ANKFY1: variants seen among roughly 807,000 people sequenced by gnomAD.
ANKFY1 encodes the protein ankyrin repeat and FYVE domain containing 1.
Under a neutral mutation model 128.3 loss-of-function variants are expected in ANKFY1, and 47 were observed. The observed-to-expected ratio is 0.37, with a 90% CI of 0.29 to 0.47. The LOEUF is 0.47. ANKFY1 is among the 20% of genes least tolerant of loss of function. The probability of loss-of-function intolerance (pLI) is 1.00; values close to 1 mark genes in which losing one functional copy is unlikely to be tolerated. For synonymous variants in ANKFY1, 553 were observed against 601.6 expected (o/e 0.92, Z 1.18); for missense variants, 1,222 against 1,510.6 (o/e 0.81, Z 3.17).
At chr17:4,208,497 A>G (rs1172925521) in intron 5 of ANKFY1, among the ~76,000 whole-genome samples, 2 of 152,182 alleles carry the variant, frequency 1.3e-5, no homozygotes, top group East Asian at 1.9e-4. Flanking sequence ...TGGCAGTTAC[A>G]AAATCAATTC....
Position 4,208,073 on chromosome 17 carries a change from T to A in ANKFY1, c.592A>T (p.Arg198Trp), listed in dbSNP as rs2060058491. ...EIIASHWDDL[R>W]KEDFSSMSAQ... is the part of the protein sequence containing the mutation. ...CTCATGCTGCTGAAATCCTCCTTCCTCAGGTCGTCCTGAGAATTCACAACA... is the reference window on the plus strand; with the variant it reads ...CTCATGCTGCTGAAATCCTCCTTCCACAGGTCGTCCTGAGAATTCACAACA... Residue 198 changes from arginine to tryptophan, a missense_variant, in exon 6 of 25, where the codon AGG becomes TGG. Physicochemically the swap from Arg to Trp is moderately radical, Grantham distance 101. Coordinates refer to ENST00000341657, the MANE Select transcript of ANKFY1 (RefSeq NM_001330063.2). 1 of 1,604,344 alleles carries A rather than the reference T, an allele frequency of 6.2e-7. No individual in the cohort carries two copies. The highest frequency in any genetic ancestry group is 1.3e-5 in the African/African-American group (1 of 74,486).
Position 4,189,413 on chromosome 17 carries a change from T to G in ANKFY1, c.1439A>C (p.Asn480Thr). 1 of 1,591,612 alleles carries G rather than the reference T, an allele frequency of 6.3e-7. No homozygotes were observed. Among genetic ancestry groups the G allele is most frequent in the South Asian group, 1.1e-5 (1 of 88,140 alleles). Residue 480 changes from asparagine (N) to threonine (T), a missense_variant, in exon 11 of 25, where the codon AAC becomes ACC. Physicochemically the swap from Asn to Thr is moderately conservative, Grantham distance 65. Coordinates refer to ENST00000341657, the MANE Select transcript of ANKFY1 (RefSeq NM_001330063.2). The stretch of plus-strand genomic sequence containing the variant: ...GTTTCTGTGGTTGACATGGGCACCG[T>G]TGGTTGCCAGGAAAAGAGCTGCTGC... Reference protein sequence around the residue: ...NEAAALFLATNGAHVNHRNKW... With the variant: ...NEAAALFLATTGAHVNHRNKW...
In ANKFY1 at chr17:4,181,002, G is replaced by C. The variant is rs1423459412; in HGVS notation, c.2240+252C>G. ...GTCTGCCGTGACTACAGGAGCTCAG[G>C]CAGCTCCCAAAGCAGGACGCTGACT... On this transcript the variant is annotated intron_variant, in intron 16 of 24. Transcript: ENST00000341657. The surrounding 1 kb of genome is among the most constrained non-coding windows in gnomAD (Gnocchi z 4.9). 1 of 437,876 alleles carries C rather than the reference G, an allele frequency of 2.3e-6. No individual in the cohort carries two copies. The highest frequency in any genetic ancestry group is 3.8e-5 in the East Asian group (1 of 26,312). The allele number at this position is 437,876 out of a possible 1,614,324, so 27.1% of individuals were successfully genotyped here. A position where few individuals can be genotyped will look rare whatever the true frequency, so the allele number is the denominator to read the frequency against.
intron 3 of ANKFY1, among the ~76,000 whole-genome samples, chr17:4,225,265 G>C (rs568216758): frequency 6.6e-6 from 1 of 152,106 alleles, no homozygotes; most frequent in South Asian, 2.1e-4. Context: ...GCTGAGGTAG[G>C]AGAATCTCTT....
Position 4,169,421 on chromosome 17 carries a change from G to T in ANKFY1, c.3287-133C>A, listed in dbSNP as rs539303344. On this transcript the variant is annotated intron_variant, in intron 23 of 24. Transcript: ENST00000341657. This position sits in a 1 kb window ranked among gnomAD's most constrained non-coding sequence, Gnocchi z 5.0. ...CACATGACATAGGTGACGAAGGAGC[G>T]ATAGGTTCTAAGTGGTTCAGGGCCA... is the stretch of plus-strand genomic sequence containing the variant. 4 of 674,702 alleles carry T rather than the reference G, an allele frequency of 5.9e-6. No homozygotes were observed. Among genetic ancestry groups the T allele is most frequent in the Non-Finnish European group, 1.1e-5 (4 of 379,332 alleles). The allele number at this position is 674,702 out of a possible 1,614,324, so 41.8% of individuals were successfully genotyped here.
In ANKFY1 at chr17:4,181,497, G is replaced by C; in HGVS notation, c.2122-125C>G. On this transcript the variant is annotated intron_variant, in intron 15 of 24. Transcript: ENST00000341657. The surrounding 1 kb of genome is among the most constrained non-coding windows in gnomAD (Gnocchi z 4.9). ...GATAAGATACGGTTGATAATAAATT[G>C]ATAATTACTTTAATCTGTATCACTC... The C allele has an allele frequency of 1.5e-6, 1 of 687,602 alleles. No individual in the cohort carries two copies. The highest frequency in any genetic ancestry group is 2.6e-6 in the Non-Finnish European group (1 of 391,304). The allele number at this position is 687,602 out of a possible 1,614,324, so 42.6% of individuals were successfully genotyped here.
Position 4,195,424 on chromosome 17 carries a change from CTG to C in ANKFY1, c.1149_1150del (p.Phe383LeufsTer34). On this transcript the variant is annotated frameshift_variant, in exon 9 of 25. Coordinates refer to ENST00000341657, the MANE Select transcript of ANKFY1 (RefSeq NM_001330063.2). LOFTEE classifies it high-confidence loss of function. ...GTACTGTTTGCACTGCAGCAGCTGA[CTG>C]AACACATATTCATTCCCGGCCATGA... The C allele has an allele frequency of 6.2e-7, 1 of 1,614,194 alleles. No homozygotes were observed. Among genetic ancestry groups the C allele is most frequent in the Non-Finnish European group, 8.5e-7 (1 of 1,180,042 alleles).
At chr17:4,206,106 G>T (rs2060018352) in intron 7 of ANKFY1, among the ~76,000 whole-genome samples, 1 of 152,148 alleles carries the variant, frequency 6.6e-6, no homozygotes, top group Admixed American at 6.5e-5. Flanking sequence ...TCTTTCTGGG[G>T]CCCTGTTGGC....
chr17:4,229,185 G>A (rs542348711), intron 3 of ANKFY1, among the ~76,000 whole-genome samples: 28 of 152,156 alleles, frequency 1.8e-4, no homozygotes, highest in South Asian at 6.2e-4. Flanking sequence ...GCACTTTGGG[G>A]GGCCGCAGTG....
At chr17:4,240,779 C>T (rs1445324565) in intron 2 of ANKFY1, among the ~76,000 whole-genome samples, 1 of 152,202 alleles carries the variant, frequency 6.6e-6, no homozygotes. Flanking sequence ...AGACCAAGTC[C>T]AAACTCCTCA....
In ANKFY1 at chr17:4,166,822, T is replaced by C. The variant is rs2142997897; in HGVS notation, c.*957A>G. ...TCTCATCACTTGGCCTGTATGAATC[T>C]CTTGCTCTAAAAGATGCTCTGTAGA... On this transcript the variant is annotated 3_prime_UTR_variant, in exon 25 of 25. Transcript: ENST00000341657. 6.6e-6 allele frequency: 1 copy of C among 152,438 alleles called. No homozygotes were observed. 9.4% of individuals were successfully genotyped at this position (152,438 alleles called of 1,614,324 possible).
At chr17:4,263,618 C>T (rs1044710128) in intron 1 of ANKFY1, 24 of 1,534,840 alleles carry the variant, frequency 1.6e-5, no homozygotes, top group Non-Finnish European at 2.1e-5. Flanking sequence ...CCGGCACCGC[C>T]GGCAATCAAG....
At chr17:4,243,309 AC>A (rs1159404083) in intron 1 of ANKFY1, among the ~76,000 whole-genome samples, 1 of 150,978 alleles carries the variant, frequency 6.6e-6, no homozygotes, top group Non-Finnish European at 1.5e-5. Context: ...CTTGTGATCC[AC>A]CCACCTCGGC....
chr17:4,193,750 A>T (rs2143009159), intron 10 of ANKFY1, among the ~76,000 whole-genome samples: 1 of 146,464 alleles, frequency 6.8e-6, no homozygotes, highest in East Asian at 2.0e-4. Context: ...TTTTTATTTT[A>T]TTTTAATTAA....
At position 4,181,294 on chromosome 17, in the gene ANKFY1, C is replaced by G. The variant is rs1471976662; in HGVS notation, c.2200G>C (p.Asp734His). ...CAGGCGGTGGGCTCGTTGTTTTCAT[C>G]AATGGCTCTGTGCAGGAGCGTCTGA... ...CLQTLLHRAI[D>H]ENNEPTACFL... The change falls in exon 16 of 25, where the codon GAT (aspartate) becomes CAT (histidine). Residue 734 changes from aspartate to histidine, a missense_variant. Coordinates refer to ENST00000341657, the MANE Select transcript of ANKFY1 (RefSeq NM_001330063.2). The surrounding 1 kb of genome is among the most constrained non-coding windows in gnomAD (Gnocchi z 4.9). The G allele has an allele frequency of 6.2e-7, 1 of 1,614,132 alleles. No individual in the cohort carries two copies. The highest frequency in any genetic ancestry group is 1.3e-5 in the African/African-American group (1 of 75,056).
chr17:4,263,211 C>T (rs952983195), intron 1 of ANKFY1, among the ~76,000 whole-genome samples: 1 of 152,160 alleles, frequency 6.6e-6, no homozygotes, highest in Non-Finnish European at 1.5e-5. Flanking sequence ...CTCTGAGAGA[C>T]CAGAGTGCCT....
intron 2 of ANKFY1, among the ~76,000 whole-genome samples, chr17:4,240,193 TA>T (rs1967132912): frequency 6.7e-6 from 1 of 149,916 alleles, no homozygotes; most frequent in Non-Finnish European, 1.5e-5. Flanking sequence ...GCCTCTCGAG[TA>T]GCTGGGATTA....
At position 4,179,888 on chromosome 17, in the gene ANKFY1, T is replaced by C; in HGVS notation, c.2241-11A>G. The C allele has an allele frequency of 6.2e-7, 1 of 1,613,864 alleles. No individual in the cohort carries two copies. The highest frequency in any genetic ancestry group is 8.5e-7 in the Non-Finnish European group (1 of 1,179,978). On this transcript the variant is annotated splice_polypyrimidine_tract_variant and intron_variant, in intron 16 of 24. Transcript: ENST00000341657. The stretch of plus-strand genomic sequence containing the variant: ...TTCACGTCACAGCCACTGAAAGGAA[T>C]GGGGACATTTTAAAAAACGCCACGC...
chr17:4,208,677 T>C (rs916269958), intron 5 of ANKFY1, among the ~76,000 whole-genome samples: 2 of 152,210 alleles, frequency 1.3e-5, no homozygotes, highest in South Asian at 4.1e-4. Flanking sequence ...CACAGTGTTG[T>C]TGAATACCAA....
Sources: gnomAD v4.1 joint callset for allele counts (sites outside exome capture counted in the v4.1 genomes callset) on GRCh38, gnomAD v4.1.1 for gene constraint, Gnocchi (gnomAD v3.1) non-coding constraint, MANE v1.5 for transcripts, NCBI Gene and HGNC (gene_info 2026-07-23, HGNC 2026-07-21) for gene names.